The following ADGRB1 variants were observed in gnomAD, a reference collection of about 807,000 sequenced individuals.
The protein encoded by ADGRB1 is brain-specific angiogenesis inhibitor 1.
In ADGRB1, 36 loss-of-function variants were observed where a neutral mutation model predicts 175.7. That is an observed-to-expected ratio of 0.20 (90% CI 0.16 to 0.27). The LOEUF (loss-of-function observed/expected upper bound fraction) is 0.27, where lower values mean the gene tolerates loss of function less well. ADGRB1 is among the 10% of genes least tolerant of loss of function. The pLI, the probability that ADGRB1 is intolerant of heterozygous loss-of-function variation, is 1.00. For synonymous variants in ADGRB1, 1,054 were observed against 979.4 expected (o/e 1.08, Z -1.42); for missense variants, 1,731 against 2,255.3 (o/e 0.77, Z 4.71).
intron 1 of ADGRB1, among the ~76,000 whole-genome samples, chr8:142,463,631 C>G (rs967322415): frequency 6.6e-6 from 1 of 152,266 alleles, no homozygotes; most frequent in Admixed American, 6.5e-5. Flanking sequence ...AGTGGGCAGG[C>G]AGGCCAGGGC....
At chr8:142,491,246 G>C (rs553995855) in intron 17 of ADGRB1, among the ~76,000 whole-genome samples, 20 of 152,392 alleles carry the variant, frequency 1.3e-4, no homozygotes, top group African/African-American at 4.3e-4. Context: ...CTCATCAGAT[G>C]GGGGCGTGGG....
In ADGRB1 at chr8:142,537,610, C is replaced by T. The variant is rs1845012201; in HGVS notation, c.3666+528C>T. On this transcript the variant is annotated intron_variant, in intron 26 of 30. Transcript: ENST00000517894. This position sits in a 1 kb window ranked among gnomAD's most constrained non-coding sequence, Gnocchi z 4.6. ...GGTGACTCTCCCTTGTGGCCCCTGG[C>T]CATCCTGCCTTCACCCTCTCTGGGC... Among the ~76,000 whole-genome samples, 1 of 152,056 alleles carries T rather than the reference C, an allele frequency of 6.6e-6. No homozygotes were observed. The highest frequency in any genetic ancestry group is 1.5e-5 in the Non-Finnish European group (1 of 67,994).
At chr8:142,541,752 G>A (rs560457235) in intron 27 of ADGRB1, among the ~76,000 whole-genome samples, 189 bp from the exon 28 acceptor site, 25 of 152,294 alleles carry the variant, frequency 1.6e-4, no homozygotes, top group Admixed American at 1.2e-3. Flanking sequence ...CCTAGGGGCC[G>A]TAGCGCCAGG....
At position 142,502,435 on chromosome 8, in the gene ADGRB1, GTA is replaced by G. The variant is rs1842652147; in HGVS notation, c.2676-8496_2676-8495del. ...GGTGGTGGTGATGGTGGTGGTGGTG[GTA>G]GTGGTGGTGATGATGGGGTGGTGCA... On this transcript the variant is annotated intron_variant, in intron 17 of 30. Transcript: ENST00000517894. Among the ~76,000 whole-genome samples, 2 of 5,518 alleles carry G rather than the reference GTA, an allele frequency of 3.6e-4. 1 individual carries two copies. 3.6% of individuals were successfully genotyped at this position (5,518 alleles called of 152,430 possible). A position where few individuals can be genotyped will look rare whatever the true frequency, so the allele number is the denominator to read the frequency against.
At chr8:142,528,640 C>A (rs1298169050) in intron 24 of ADGRB1, among the ~76,000 whole-genome samples, 1 of 151,188 alleles carries the variant, frequency 6.6e-6, no homozygotes, top group Non-Finnish European at 1.5e-5. Flanking sequence ...ACCAGTAACG[C>A]CATGTTAGTG....
chr8:142,544,172 G>A (rs759090857), intron 30 of ADGRB1, 48 bp from the exon 31 acceptor site: 8 of 1,536,176 alleles, frequency 5.2e-6, no homozygotes, highest in Middle Eastern at 2.2e-4. Context: ...CGGGCTCATG[G>A]CTCTCCCTCC....
At chr8:142,470,938 G>C (rs928880964) in intron 2 of ADGRB1, among the ~76,000 whole-genome samples, 4 of 152,170 alleles carry the variant, frequency 2.6e-5, no homozygotes, top group African/African-American at 9.7e-5. Flanking sequence ...GCATCTGGAG[G>C]CCTGTCTGGG....
intron 17 of ADGRB1, among the ~76,000 whole-genome samples, chr8:142,496,310 G>A (rs1314391601): frequency 6.6e-6 from 1 of 151,854 alleles, no homozygotes; most frequent in Non-Finnish European, 1.5e-5. Flanking sequence ...GCAGATGGAG[G>A]TATGGATGGG....
chr8:142,524,541 T>C (rs1844061825), intron 23 of ADGRB1, among the ~76,000 whole-genome samples: 1 of 152,166 alleles, frequency 6.6e-6, no homozygotes, highest in Admixed American at 6.5e-5. Flanking sequence ...AGTCTCGGCT[T>C]GCCTGATTAT....
intron 2 of ADGRB1, among the ~76,000 whole-genome samples, chr8:142,468,275 G>A (rs1454032220): frequency 6.6e-6 from 1 of 152,096 alleles, no homozygotes; most frequent in South Asian, 2.1e-4. Flanking sequence ...ATGCATGCAC[G>A]GTGTGAATGT....
intron 17 of ADGRB1, among the ~76,000 whole-genome samples, chr8:142,509,079 G>A (rs1842959572): frequency 6.6e-6 from 1 of 151,956 alleles, no homozygotes; most frequent in South Asian, 2.1e-4. Flanking sequence ...CATTCTCACG[G>A]GTCTCCCCCG....
intron 1 of ADGRB1, among the ~76,000 whole-genome samples, chr8:142,458,130 G>A (rs1341405098): frequency 6.6e-6 from 1 of 152,182 alleles, no homozygotes; most frequent in Non-Finnish European, 1.5e-5. Context: ...GGGCGGGGAG[G>A]GGACGCAGGA....
chr8:142,484,778 C>A lies in ADGRB1; in HGVS notation c.2308+14C>A. 1.3e-6 allele frequency: 2 copies of A among 1,556,176 alleles called. No individual in the cohort carries two copies. The highest frequency in any genetic ancestry group is 1.8e-6 in the Non-Finnish European group (2 of 1,139,920). On this transcript the variant is annotated intron_variant, in intron 13 of 30. Transcript: ENST00000517894. The stretch of plus-strand genomic sequence containing the variant: ...CAGACAACCTGGGTAAGCCTGCCCG[C>A]CTGCTGCCACCCCCCATGCCTTGCT...
rs1844560734 is a variant in ADGRB1 at position 142,530,516 on chromosome 8, AG to A, written c.3399-2775del. 2.0e-5 allele frequency among the ~76,000 whole-genome samples: 3 copies of A among 152,124 alleles called. No individual in the cohort carries two copies. The South Asian group carries it at 6.2e-4, about 31-fold the overall frequency. On this transcript the variant is annotated intron_variant, in intron 24 of 30. Coordinates refer to ENST00000517894, the MANE Select transcript of ADGRB1 (RefSeq NM_001702.3). The stretch of plus-strand genomic sequence containing the variant: ...TGCTTTGCTCCCTGAGCCAGGCACT[AG>A]GGGTCCAGGGTTTTAGGAGCCGTGG...
rs1218963001 is a variant in ADGRB1 at position 142,449,967 on chromosome 8, G to C, written c.-357G>C. 2 of 149,562 alleles carry C rather than the reference G, an allele frequency of 1.3e-5. No homozygotes were observed. Among genetic ancestry groups the C allele is most frequent in the African/African-American group, 4.9e-5 (2 of 41,038 alleles). The allele number at this position is 149,562 out of a possible 1,614,324, so 9.3% of individuals were successfully genotyped here. Reference sequence around the variant, plus strand: ...TCCCGGCGAGGCCCAGAGCGGGCCGGGGGCGGCGGCGGCTGGAGGAGCCCC... The same window carrying C: ...TCCCGGCGAGGCCCAGAGCGGGCCGCGGGCGGCGGCGGCTGGAGGAGCCCC... On this transcript the variant is annotated 5_prime_UTR_variant, in exon 1 of 31. Coordinates refer to ENST00000517894, the MANE Select transcript of ADGRB1 (RefSeq NM_001702.3).
At chr8:142,456,318 C>T (rs1294275227) in intron 1 of ADGRB1, among the ~76,000 whole-genome samples, 1 of 152,180 alleles carries the variant, frequency 6.6e-6, no homozygotes, top group East Asian at 1.9e-4. Flanking sequence ...TCTGTGCGCA[C>T]ACACTTGCTC....
chr8:142,543,586 A>G lies in ADGRB1; in HGVS notation c.4450-15A>G, dbSNP rs374153334. 230 of 1,569,294 alleles carry G rather than the reference A, an allele frequency of 1.5e-4. No homozygotes were observed. Among genetic ancestry groups the G allele is most frequent in the Non-Finnish European group, 1.8e-4 (214 of 1,157,154 alleles). ...CCTCCTGGCCCAGGACTCACTGCCC[A>G]GACCCCGCCTGCAGAAGATCATGCA... On this transcript the variant is annotated splice_polypyrimidine_tract_variant and intron_variant, in intron 29 of 30. Transcript: ENST00000517894. The surrounding 1 kb of genome is among the most constrained non-coding windows in gnomAD (Gnocchi z 4.4).
rs1468334067 is a variant in ADGRB1 at position 142,511,040 on chromosome 8, C to G, written c.2784C>G (p.Thr928=). 1.5e-6 allele frequency: 2 copies of G among 1,296,874 alleles called. No individual in the cohort carries two copies. Among genetic ancestry groups the G allele is most frequent in the African/African-American group, 3.2e-5 (2 of 63,258 alleles). The allele number at this position is 1,296,874 out of a possible 1,614,324, so 80.3% of individuals were successfully genotyped here. ...GCTGCCTCTGTGACCGGCTCTCCACCTTCGCCATCTTAGCCCAGCTCAGCG... is the reference window on the plus strand; with the variant it reads ...GCTGCCTCTGTGACCGGCTCTCCACGTTCGCCATCTTAGCCCAGCTCAGCG... ...RTRCLCDRLS[T]FAILAQLSAD... The change falls in exon 18 of 31, where the codon ACC becomes ACG. Residue 928 remains threonine, a synonymous_variant. Transcript: ENST00000517894. The surrounding 1 kb of genome is among the most constrained non-coding windows in gnomAD (Gnocchi z 4.5).
At chr8:142,499,546 A>G (rs767537092) in intron 17 of ADGRB1, among the ~76,000 whole-genome samples, 3 of 152,112 alleles carry the variant, frequency 2.0e-5, no homozygotes, top group Non-Finnish European at 4.4e-5. Flanking sequence ...AGGGAGCTGG[A>G]GTCCACGCCA....
Sources: gnomAD v4.1 joint callset for allele counts (sites outside exome capture counted in the v4.1 genomes callset) on GRCh38, gnomAD v4.1.1 for gene constraint, Gnocchi (gnomAD v3.1) non-coding constraint, MANE v1.5 for transcripts, NCBI Gene and HGNC (gene_info 2026-07-23, HGNC 2026-07-21) for gene names.